The following PGBD5 variants were observed in gnomAD, a reference collection of about 807,000 sequenced individuals.
PGBD5 encodes the protein piggyBac transposable element-derived protein 5.
In PGBD5, 14 loss-of-function variants were observed where a neutral mutation model predicts 47.9. That is an observed-to-expected ratio of 0.29 (90% CI 0.19 to 0.46). The LOEUF (loss-of-function observed/expected upper bound fraction) is 0.46. Ranked by LOEUF, PGBD5 falls within the 20% of genes least tolerant of loss-of-function variation. The probability of loss-of-function intolerance (pLI) is 1.00; values close to 1 mark genes in which losing one functional copy is unlikely to be tolerated. For missense variants in PGBD5, 635 were observed against 716.0 expected (o/e 0.89, Z 1.29); for synonymous variants, 316 against 306.3 (o/e 1.03, Z -0.33).
chr1:230,326,274 TG>T (rs1667116143), intron 5 of PGBD5, among the ~76,000 whole-genome samples: 1 of 152,212 alleles, frequency 6.6e-6, no homozygotes, highest in African/African-American at 2.4e-5. Flanking sequence ...AAAAGTTAGC[TG>T]GGCACGGTGG....
At chr1:230,385,697 T>C (rs1241384699) in intron 1 of PGBD5, among the ~76,000 whole-genome samples, 8 of 152,214 alleles carry the variant, frequency 5.3e-5, no homozygotes, top group African/African-American at 1.9e-4. Context: ...CCAGATAAAA[T>C]GAGGGAGAGT....
intron 1 of PGBD5, among the ~76,000 whole-genome samples, chr1:230,376,323 G>T (rs990535637): frequency 6.6e-6 from 1 of 152,134 alleles, no homozygotes; most frequent in Admixed American, 6.5e-5. Context: ...GTCCTGGACT[G>T]AGCCCGCCTG....
chr1:230,419,962 C>A (rs1205573089), intron 1 of PGBD5, among the ~76,000 whole-genome samples: 1 of 152,036 alleles, frequency 6.6e-6, no homozygotes, highest in Non-Finnish European at 1.5e-5. Context: ...CCCATCCCTA[C>A]TAAAAATACA....
intron 1 of PGBD5, among the ~76,000 whole-genome samples, chr1:230,406,855 G>A (rs375127894): frequency 1.2e-4 from 19 of 152,118 alleles, no homozygotes; most frequent in African/African-American, 4.6e-4. Context: ...CTTTTTTTGA[G>A]ACAGAGTTTC....
chr1:230,326,768 C>T (rs1006202640), intron 5 of PGBD5, among the ~76,000 whole-genome samples: 3 of 152,286 alleles, frequency 2.0e-5, no homozygotes, highest in South Asian at 2.1e-4. Flanking sequence ...AGCCTCCACG[C>T]GCAGCCAAAA....
Position 230,348,287 on chromosome 1 carries a change from A to G in PGBD5, c.894+2671T>C, listed in dbSNP as rs193221253. 3.0e-3 allele frequency among the ~76,000 whole-genome samples: 463 copies of G among 152,278 alleles called. 1 individual carries two copies. Among genetic ancestry groups the G allele is most frequent in the South Asian group, 9.7e-3 (47 of 4,822 alleles). ...TCCCATCTTTAATTTCTAGATCACA[A>G]CTCCATATTCCAGAGCAATGACTGA... On this transcript the variant is annotated intron_variant, in intron 3 of 6. Transcript: ENST00000391860.
At chr1:230,394,920 TA>T (rs1558209974) in intron 1 of PGBD5, among the ~76,000 whole-genome samples, 1 of 83,942 alleles carries the variant, frequency 1.2e-5, no homozygotes. Flanking sequence ...CTCTCACTCC[TA>T]CCCTCCTCTC....
chr1:230,411,082 G>A (rs1183776792), intron 1 of PGBD5, among the ~76,000 whole-genome samples: 1 of 151,996 alleles, frequency 6.6e-6, no homozygotes, highest in African/African-American at 2.4e-5. Flanking sequence ...CTCAAGACCA[G>A]CCTAGGCAAC....
chr1:230,357,404 C>T lies in PGBD5; in HGVS notation c.332-83G>A, dbSNP rs1667668595. On this transcript the variant is annotated intron_variant, in intron 1 of 6. Transcript: ENST00000391860. The surrounding 1 kb of genome is among the most constrained non-coding windows in gnomAD (Gnocchi z 5.7). ...CACGAGAACGGCTGCATTTCCAATCCCTGGGTCCCTGGCCGAGTGCCCCCG... is the reference window on the plus strand; with the variant it reads ...CACGAGAACGGCTGCATTTCCAATCTCTGGGTCCCTGGCCGAGTGCCCCCG... 1 of 1,456,304 alleles carries T rather than the reference C, an allele frequency of 6.9e-7. No homozygotes were observed. The highest frequency in any genetic ancestry group is 1.4e-5 in the African/African-American group (1 of 71,368). The allele number at this position is 1,456,304 out of a possible 1,614,324, so 90.2% of individuals were successfully genotyped here. A position where few individuals can be genotyped will look rare whatever the true frequency, so the allele number is the denominator to read the frequency against.
At position 230,316,141 on chromosome 1, in the gene PGBD5, T is replaced by A. The variant is rs940382202; in HGVS notation, c.*7284A>T. On this transcript the variant is annotated 3_prime_UTR_variant, in exon 7 of 7. Coordinates refer to ENST00000391860, the MANE Select transcript of PGBD5 (RefSeq NM_001258311.2). ...ATCTATGTGTATACATACATATGTA[T>A]ATGTGTACACATATATGTATGTGTA... The A allele has an allele frequency of 6.6e-6, 1 of 150,706 alleles. No homozygotes were observed. The highest frequency in any genetic ancestry group is 2.5e-5 in the African/African-American group (1 of 40,372). 9.3% of individuals were successfully genotyped at this position (150,706 alleles called of 1,614,324 possible).
At chr1:230,342,306 A>G (rs1667417684) in intron 3 of PGBD5, among the ~76,000 whole-genome samples, 1 of 152,278 alleles carries the variant, frequency 6.6e-6, no homozygotes, top group South Asian at 2.1e-4. Context: ...GAATGACCCT[A>G]CTTCTTTTTC....
intron 4 of PGBD5, among the ~76,000 whole-genome samples, chr1:230,335,748 C>CAG (rs1667305643): frequency 2.3e-5 from 3 of 130,960 alleles, no homozygotes; most frequent in African/African-American, 9.1e-5. Context: ...TACACAAAGA[C>CAG]ACACACAGAT....
intron 3 of PGBD5, among the ~76,000 whole-genome samples, chr1:230,350,504 A>G (rs989272662): frequency 6.6e-6 from 1 of 152,196 alleles, no homozygotes; most frequent in African/African-American, 2.4e-5. Context: ...GGCATCCTGG[A>G]AACAGGAAGG....
At chr1:230,361,745 T>C (rs1171079155) in intron 1 of PGBD5, among the ~76,000 whole-genome samples, 1 of 152,208 alleles carries the variant, frequency 6.6e-6, no homozygotes, top group Non-Finnish European at 1.5e-5. Context: ...AGACTTGATA[T>C]TCCCTCCCCA....
chr1:230,424,044 AG>A (rs1186272837), intron 1 of PGBD5, among the ~76,000 whole-genome samples: 1 of 152,214 alleles, frequency 6.6e-6, no homozygotes, highest in Non-Finnish European at 1.5e-5. Context: ...TTTCATAACT[AG>A]GCTTGACCTA....
intron 1 of PGBD5, among the ~76,000 whole-genome samples, chr1:230,376,187 G>T (rs1668011458): frequency 6.6e-6 from 1 of 152,098 alleles, no homozygotes; most frequent in Non-Finnish European, 1.5e-5. Context: ...ATACTTGAGA[G>T]AGCTGATGTG....
At chr1:230,404,993 T>TTAA (rs1657267181) in intron 1 of PGBD5, among the ~76,000 whole-genome samples, 1 of 146,668 alleles carries the variant, frequency 6.8e-6, no homozygotes. Context: ...TTTTTTTTTT[T>TTAA]AAAAAGATAT....
At chr1:230,331,782 C>T (rs1352499778) in intron 5 of PGBD5, among the ~76,000 whole-genome samples, 1 of 151,734 alleles carries the variant, frequency 6.6e-6, no homozygotes, top group Non-Finnish European at 1.5e-5. Flanking sequence ...GTGGGTGCCA[C>T]CAGGCCTGGC....
intron 1 of PGBD5, among the ~76,000 whole-genome samples, chr1:230,376,029 T>G (rs1481366121): frequency 6.6e-6 from 1 of 151,984 alleles, no homozygotes; most frequent in Non-Finnish European, 1.5e-5. Context: ...CTATTCCTAC[T>G]GTTGCTGCTG....
Sources: allele counts gnomAD v4.1 joint callset (sites outside exome capture counted in the v4.1 genomes callset), GRCh38; gene constraint gnomAD v4.1.1; non-coding constraint Gnocchi (gnomAD v3.1); transcripts MANE v1.5; gene names NCBI Gene and HGNC (gene_info 2026-07-23, HGNC 2026-07-21).